The following MFSD6 variants were observed in gnomAD, a reference collection of about 807,000 sequenced individuals.
MFSD6 encodes major facilitator superfamily domain containing 6, also known as major facilitator superfamily domain-containing protein 6.
MFSD6 carries 26 observed loss-of-function variants against 56.3 expected under a neutral mutation model. The ratio of observed to expected loss-of-function variants is 0.46; its 90% confidence interval spans 0.34 to 0.64. The LOEUF (loss-of-function observed/expected upper bound fraction) is 0.64, where lower values mean the gene tolerates loss of function less well. Ranked by LOEUF, MFSD6 falls within the 30% of genes least tolerant of loss-of-function variation. The probability of loss-of-function intolerance (pLI) is 0.01; values close to 1 mark genes in which losing one functional copy is unlikely to be tolerated. For missense variants in MFSD6, 750 were observed against 986.2 expected (o/e 0.76, Z 3.21); for synonymous variants, 331 against 366.9 (o/e 0.90, Z 1.12).
At chr2:190,440,533 A>G (rs186757181) in intron 3 of MFSD6, among the ~76,000 whole-genome samples, 3 of 152,376 alleles carry the variant, frequency 2.0e-5, no homozygotes, top group Middle Eastern at 3.4e-3. Flanking sequence ...GTATCTTCAC[A>G]TTGCTTAACA....
intron 4 of MFSD6, chr2:190,477,400 T>A: frequency 1.0e-6 from 1 of 953,936 alleles, no homozygotes; most frequent in East Asian, 1.2e-4. Context: ...AGAAAAGAAA[T>A]GACTATATAT....
At position 190,485,803 on chromosome 2, in the gene MFSD6, T is replaced by TAAA; in HGVS notation, c.1631-2842_1631-2840dup. ...TAATCATCTAGTCCATCTTACTAGT[T>TAAA]AAAAAAAAAAAAAACCTAGTTAAAA... is the stretch of plus-strand genomic sequence containing the variant. On this transcript the variant is annotated intron_variant, in intron 4 of 7. Transcript: ENST00000392328. The surrounding 1 kb of genome is among the most constrained non-coding windows in gnomAD (Gnocchi z 5.1). Among the ~76,000 whole-genome samples, 1 of 144,552 alleles carries TAAA rather than the reference T, an allele frequency of 6.9e-6. No individual in the cohort carries two copies. The highest frequency in any genetic ancestry group is 2.5e-5 in the African/African-American group (1 of 39,380). The allele number at this position is 144,552 out of a possible 152,430, so 94.8% of individuals were successfully genotyped here. A position where few individuals can be genotyped will look rare whatever the true frequency, so the allele number is the denominator to read the frequency against.
Position 190,436,473 on chromosome 2 carries a change from CATTGGATTTGTCAA to C in MFSD6, c.446_459del (p.Ile149ThrfsTer44), listed in dbSNP as rs776811978. 1 of 1,614,196 alleles carries C rather than the reference CATTGGATTTGTCAA, an allele frequency of 6.2e-7. No homozygotes were observed. Among genetic ancestry groups the C allele is most frequent in the South Asian group, 1.1e-5 (1 of 91,080 alleles). On this transcript the variant is annotated frameshift_variant, in exon 3 of 8. Coordinates refer to ENST00000392328, the MANE Select transcript of MFSD6 (RefSeq NM_017694.4). LOFTEE classifies it high-confidence loss of function. This position sits in a 1 kb window ranked among gnomAD's most constrained non-coding sequence, Gnocchi z 5.3. ...TGTGTTGGGTTTTATTCAACCTGGG[CATTGGATTTGTCAA>C]ACCTGCTACCTTGAGATGTGTACCA...
upstream of MFSD6, among the ~76,000 whole-genome samples, chr2:190,407,793 C>T (rs1045662781): frequency 2.6e-5 from 4 of 152,194 alleles, no homozygotes; most frequent in Non-Finnish European, 5.9e-5. The surrounding 1 kb of genome is among the most constrained non-coding windows in gnomAD (Gnocchi z 5.4). Context: ...CCGCACCCCG[C>T]CGGCTCCTCC....
At chr2:190,441,193 C>T (rs1228077995) in intron 3 of MFSD6, among the ~76,000 whole-genome samples, 1 of 152,032 alleles carries the variant, frequency 6.6e-6, no homozygotes, top group East Asian at 1.9e-4. Context: ...TCTCCTTGCC[C>T]CGTATGAAAG....
chr2:190,433,325 AGAT>A lies in MFSD6; in HGVS notation c.-53-2646_-53-2644del. On this transcript the variant is annotated intron_variant, in intron 2 of 7. Transcript: ENST00000392328. This position sits in a 1 kb window ranked among gnomAD's most constrained non-coding sequence, Gnocchi z 4.5. ...TGAGGGCAAATTATTTTTTCTTTTC[AGAT>A]GATGAAATGGAATTGGAGCCGCTGA... 6.6e-6 allele frequency: 1 copy of A among 152,330 alleles called. No individual in the cohort carries two copies. Among genetic ancestry groups the A allele is most frequent in the African/African-American group, 2.4e-5 (1 of 41,570 alleles). The allele number at this position is 152,330 out of a possible 1,614,324, so 9.4% of individuals were successfully genotyped here. A position where few individuals can be genotyped will look rare whatever the true frequency, so the allele number is the denominator to read the frequency against.
At chr2:190,476,633 G>A (rs1359274115) in intron 4 of MFSD6, among the ~76,000 whole-genome samples, 1 of 152,202 alleles carries the variant, frequency 6.6e-6, no homozygotes, top group African/African-American at 2.4e-5. Context: ...AACCATTGTG[G>A]AAGTCAGTGT....
intron 4 of MFSD6, among the ~76,000 whole-genome samples, chr2:190,476,387 G>T (rs1162225255): frequency 6.6e-6 from 1 of 152,040 alleles, no homozygotes; most frequent in Non-Finnish European, 1.5e-5. Context: ...TCAACAAGTG[G>T]GCAAAGGATA....
rs952032660 is a variant in MFSD6, at chr2:190,424,795, G to T, written c.-54+9382G>T. 4.6e-5 allele frequency among the ~76,000 whole-genome samples: 7 copies of T among 152,160 alleles called. No individual in the cohort carries two copies. Among genetic ancestry groups the T allele is most frequent in the Non-Finnish European group, 7.3e-5 (5 of 68,034 alleles). On this transcript the variant is annotated intron_variant, in intron 2 of 7. Coordinates refer to ENST00000392328, the MANE Select transcript of MFSD6 (RefSeq NM_017694.4). This position sits in a 1 kb window ranked among gnomAD's most constrained non-coding sequence, Gnocchi z 5.9. ...TCTGTATTCTGTTACATTGATCTAT[G>T]TGTCTGTCCTTCTGCTAATACCACA...
chr2:190,455,710 G>A (rs890063754), intron 3 of MFSD6, among the ~76,000 whole-genome samples: 3 of 151,722 alleles, frequency 2.0e-5, no homozygotes, highest in Non-Finnish European at 2.9e-5. Context: ...GGGTGGGCAC[G>A]GTGCAGGGGC....
rs1190174897 is a variant in MFSD6 at position 190,410,595 on chromosome 2, C to T, written c.-176+2092C>T. ...GTGTATGTTTACCCTTTTGTCCTCA[C>T]CAGTTGTAGATTGAAGGCAGTATGA... On this transcript the variant is annotated intron_variant, in intron 1 of 7. Coordinates refer to ENST00000392328, the MANE Select transcript of MFSD6 (RefSeq NM_017694.4). The surrounding 1 kb of genome is among the most constrained non-coding windows in gnomAD (Gnocchi z 4.4). Among the ~76,000 whole-genome samples, 1 of 152,148 alleles carries T rather than the reference C, an allele frequency of 6.6e-6. No homozygotes were observed. Among genetic ancestry groups the T allele is most frequent in the Admixed American group, 6.5e-5 (1 of 15,280 alleles).
intron 2 of MFSD6, among the ~76,000 whole-genome samples, chr2:190,420,892 A>G (rs954086245): frequency 5.3e-5 from 8 of 152,236 alleles, no homozygotes; most frequent in African/African-American, 1.4e-4. Flanking sequence ...AATTCATATA[A>G]AAGTTACTGT....
In MFSD6 at chr2:190,431,237, A is replaced by AG; in HGVS notation, c.-53-4736dup. 6.7e-6 allele frequency among the ~76,000 whole-genome samples: 1 copy of AG among 149,502 alleles called. No individual in the cohort carries two copies. Among genetic ancestry groups the AG allele is most frequent in the East Asian group, 2.0e-4 (1 of 4,924 alleles). ...CTTCCCAGACTGGGCAGCCAGGCAG[A>AG]GGGGCTCCTCACCTCCCAGAGGATG... On this transcript the variant is annotated intron_variant, in intron 2 of 7. Transcript: ENST00000392328. The surrounding 1 kb of genome is among the most constrained non-coding windows in gnomAD (Gnocchi z 4.4).
In MFSD6 at chr2:190,488,621, A is replaced by G; in HGVS notation, c.1631-36A>G. 1.4e-6 allele frequency: 2 copies of G among 1,413,048 alleles called. No individual in the cohort carries two copies. Among genetic ancestry groups the G allele is most frequent in the Non-Finnish European group, 1.9e-6 (2 of 1,074,336 alleles). The allele number at this position is 1,413,048 out of a possible 1,614,324, so 87.5% of individuals were successfully genotyped here. A position where few individuals can be genotyped will look rare whatever the true frequency, so the allele number is the denominator to read the frequency against. The stretch of plus-strand genomic sequence containing the variant: ...AAAACAGAGTAGCCTAAGAAATGCT[A>G]ACCAACTAATCCCTCCTGCTCTTCT... On this transcript the variant is annotated intron_variant, in intron 4 of 7. Coordinates refer to ENST00000392328, the MANE Select transcript of MFSD6 (RefSeq NM_017694.4). The surrounding 1 kb of genome is among the most constrained non-coding windows in gnomAD (Gnocchi z 6.4).
At position 190,434,775 on chromosome 2, in the gene MFSD6, A is replaced by T. The variant is rs559814586; in HGVS notation, c.-53-1202A>T. Among the ~76,000 whole-genome samples the T allele has an allele frequency of 1.3e-5, 2 of 152,254 alleles. No homozygotes were observed. Among genetic ancestry groups the T allele is most frequent in the East Asian group, 1.9e-4 (1 of 5,186 alleles). On this transcript the variant is annotated intron_variant, in intron 2 of 7. Transcript: ENST00000392328. The surrounding 1 kb of genome is among the most constrained non-coding windows in gnomAD (Gnocchi z 4.3). ...AAAGTTTACTGGCATCTTATCTAAA[A>T]TGTGTTATTTTTCAGTTTAGTGTGT...
intron 4 of MFSD6, among the ~76,000 whole-genome samples, 194 bp downstream of exon 4, chr2:190,470,049 G>A (rs773761083): frequency 6.6e-5 from 10 of 152,062 alleles, no homozygotes; most frequent in Non-Finnish European, 1.3e-4. Flanking sequence ...GCTTTGTGTT[G>A]AGCCAAACAA....
At position 190,410,543 on chromosome 2, in the gene MFSD6, A is replaced by G. The variant is rs1690516705; in HGVS notation, c.-176+2040A>G. ...CATTTAGCCATGTAGGATAATTTATATATTTATTACGTATGTATATTAATG... is the reference window on the plus strand; with the variant it reads ...CATTTAGCCATGTAGGATAATTTATGTATTTATTACGTATGTATATTAATG... On this transcript the variant is annotated intron_variant, in intron 1 of 7. Transcript: ENST00000392328. This position sits in a 1 kb window ranked among gnomAD's most constrained non-coding sequence, Gnocchi z 4.4. 6.6e-6 allele frequency among the ~76,000 whole-genome samples: 1 copy of G among 152,226 alleles called. No homozygotes were observed. The highest frequency in any genetic ancestry group is 1.9e-4 in the East Asian group (1 of 5,206).
At position 190,462,602 on chromosome 2, in the gene MFSD6, C is replaced by T. The variant is rs1687385824; in HGVS notation, c.1533-7156C>T. On this transcript the variant is annotated intron_variant, in intron 3 of 7. Coordinates refer to ENST00000392328, the MANE Select transcript of MFSD6 (RefSeq NM_017694.4). The surrounding 1 kb of genome is among the most constrained non-coding windows in gnomAD (Gnocchi z 5.7). ...GTCTCAGTCTTCAGTGTGCAACAGA[C>T]TGTGATGAGTCCTCTAATGGAAACA... 6.6e-6 allele frequency among the ~76,000 whole-genome samples: 1 copy of T among 152,134 alleles called. No individual in the cohort carries two copies. Among genetic ancestry groups the T allele is most frequent in the Admixed American group, 6.5e-5 (1 of 15,270 alleles).
At position 190,482,868 on chromosome 2, in the gene MFSD6, CTTTTTTTTTTTTTTT is replaced by C. The variant is rs199927176; in HGVS notation, c.1631-5768_1631-5754del. On this transcript the variant is annotated intron_variant, in intron 4 of 7. Coordinates refer to ENST00000392328, the MANE Select transcript of MFSD6 (RefSeq NM_017694.4). ...GGAGAAGAGTTATTAAGACTATCAT[CTTTTTTTTTTTTTTT>C]TTTTTTTTTTTTTTTTTTTTAGACG... Among the ~76,000 whole-genome samples, 106 of 48,290 alleles carry C rather than the reference CTTTTTTTTTTTTTTT, an allele frequency of 2.2e-3. 1 individual carries two copies. In the South Asian group the frequency reaches 0.028, roughly 13 times the overall value. 31.7% of individuals were successfully genotyped at this position (48,290 alleles called of 152,430 possible).
Sources: allele counts gnomAD v4.1 joint callset (sites outside exome capture counted in the v4.1 genomes callset), GRCh38; gene constraint gnomAD v4.1.1; non-coding constraint Gnocchi (gnomAD v3.1); transcripts MANE v1.5; gene names NCBI Gene and HGNC (gene_info 2026-07-23, HGNC 2026-07-21).